CNTN6: variants seen among roughly 807,000 people sequenced by gnomAD.
CNTN6 encodes contactin-6.
A neutral mutation model predicts 122.8 loss-of-function variants in CNTN6; 137 were observed. The observed-to-expected ratio is 1.12, with a 90% confidence interval of 0.97 to 1.29. The LOEUF is 1.29. Among genes scored for constraint, CNTN6 ranks in the 50% most tolerant of loss-of-function variants. The pLI is 0.00. For missense variants in CNTN6, 1,634 were observed against 1,223.4 expected, an observed-to-expected ratio of 1.34 and a Z score of -5.01; for synonymous variants, 570 against 426.0, an observed-to-expected ratio of 1.34 and a Z score of -4.16.
intron 4 of CNTN6, among the ~76,000 whole-genome samples, chr3:1,229,194 TA>T (rs1288536862): frequency 1.3e-5 from 2 of 152,202 alleles, no homozygotes; most frequent in Admixed American, 6.5e-5. Flanking sequence ...GAACATAGGA[TA>T]AAAATATTTA....
At chr3:1,176,021 C>T (rs1323102172) in intron 2 of CNTN6, among the ~76,000 whole-genome samples, 2 of 152,208 alleles carry the variant, frequency 1.3e-5, no homozygotes, top group Non-Finnish European at 2.9e-5. Context: ...CTTCCTTCTA[C>T]ATTTTGATTT....
At chr3:1,389,510 A>C (rs1693761606) in intron 20 of CNTN6, among the ~76,000 whole-genome samples, 1 of 152,162 alleles carries the variant, frequency 6.6e-6, no homozygotes, top group African/African-American at 2.4e-5. Context: ...TCAACTAACG[A>C]GCAAAATCAC....
rs574933629 is a variant in CNTN6 at position 1,102,903 on chromosome 3, C to T, written c.-83+9783C>T. The stretch of plus-strand genomic sequence containing the variant: ...CGGGCGGATCACGAGATCAGGAGAT[C>T]GAGACCATCCTGGCTAACACGGTGA... On this transcript the variant is annotated intron_variant, in intron 1 of 22. Transcript: ENST00000446702. Among the ~76,000 whole-genome samples, 10 of 150,834 alleles carry T rather than the reference C, an allele frequency of 6.6e-5. No homozygotes were observed. In the South Asian group the frequency reaches 8.4e-4, roughly 13 times the overall value.
chr3:1,400,060 GACAC>G (rs1368171403), intron 20 of CNTN6, among the ~76,000 whole-genome samples: 1 of 152,006 alleles, frequency 6.6e-6, no homozygotes, highest in African/African-American at 2.4e-5. Flanking sequence ...ATCTTCCAGT[GACAC>G]ACAGGAGATT....
rs762273126 is a variant in CNTN6 at position 1,373,612 on chromosome 3, G to C, written c.1795G>C (p.Gly599Arg). The change falls in exon 15 of 23, where the codon GGT (glycine) becomes CGT (arginine). Residue 599 changes from glycine (G) to arginine (R), a missense_variant. Coordinates refer to ENST00000446702, the MANE Select transcript of CNTN6 (RefSeq NM_001289080.2). ...VADIIVRGPP[G>R]PPEDVQVEDI... ...AAAACATTTTTTTCAAGGTCCACCA[G>C]GTCCTCCTGAGGATGTGCAAGTGGA... 1.4e-5 allele frequency: 22 copies of C among 1,610,754 alleles called. No individual in the cohort carries two copies. In the South Asian group the frequency reaches 2.3e-4, roughly 17 times the overall value.
intron 4 of CNTN6, among the ~76,000 whole-genome samples, chr3:1,275,969 A>G (rs1198747833): frequency 6.6e-6 from 1 of 152,242 alleles, no homozygotes; most frequent in African/African-American, 2.4e-5. Context: ...CATGGATAAT[A>G]CAAATTTAAT....
intron 5 of CNTN6, among the ~76,000 whole-genome samples, chr3:1,283,929 G>A (rs1192335762): frequency 4.6e-5 from 7 of 152,194 alleles, no homozygotes; most frequent in Non-Finnish European, 2.9e-5. Context: ...ACTCTGGGAG[G>A]CGGAGGTTGC....
intron 4 of CNTN6, among the ~76,000 whole-genome samples, chr3:1,232,492 C>A (rs2094364881): frequency 6.6e-6 from 1 of 152,206 alleles, no homozygotes; most frequent in Non-Finnish European, 1.5e-5. Context: ...AGTGCTAACG[C>A]CTACAAAGTA....
intron 2 of CNTN6, among the ~76,000 whole-genome samples, chr3:1,204,192 A>G (rs971317929): frequency 3.9e-5 from 6 of 152,200 alleles, no homozygotes; most frequent in Non-Finnish European, 8.8e-5. Context: ...TCAGAGAGAC[A>G]CACTCTTATC....
intron 19 of CNTN6, 135 bp downstream of exon 19, chr3:1,383,543 A>T (rs1183086390): frequency 8.9e-6 from 6 of 671,368 alleles, no homozygotes; most frequent in Admixed American, 2.6e-5. Context: ...CAGAGAATGA[A>T]GTTGAGACAG....
At chr3:1,264,456 C>T (rs928954941) in intron 4 of CNTN6, among the ~76,000 whole-genome samples, 1 of 151,988 alleles carries the variant, frequency 6.6e-6, no homozygotes, top group Non-Finnish European at 1.5e-5. Flanking sequence ...GAGGAGCAGC[C>T]ACATAGAGAG....
intron 2 of CNTN6, among the ~76,000 whole-genome samples, chr3:1,189,523 A>G (rs982355671): frequency 6.6e-6 from 1 of 152,234 alleles, no homozygotes; most frequent in Non-Finnish European, 1.5e-5. Flanking sequence ...TGCTTACCAC[A>G]TTCACTTGTA....
At chr3:1,261,717 T>A (rs2094849757) in intron 4 of CNTN6, among the ~76,000 whole-genome samples, 1 of 152,186 alleles carries the variant, frequency 6.6e-6, no homozygotes, top group Non-Finnish European at 1.5e-5. Context: ...CAGTGGCTGC[T>A]ACAATCATAC....
intron 1 of CNTN6, among the ~76,000 whole-genome samples, chr3:1,099,411 A>C: frequency 6.6e-6 from 1 of 152,198 alleles, no homozygotes; most frequent in East Asian, 1.9e-4. Flanking sequence ...AGATTGAGCC[A>C]TTACACTCCA....
At chr3:1,270,085 G>T (rs1210292633) in intron 4 of CNTN6, among the ~76,000 whole-genome samples, 1 of 152,114 alleles carries the variant, frequency 6.6e-6, no homozygotes, top group African/African-American at 2.4e-5. Context: ...GTTATGTCGT[G>T]TTGTGTTACT....
intron 6 of CNTN6, among the ~76,000 whole-genome samples, chr3:1,296,241 G>A (rs773765108): frequency 2.6e-5 from 4 of 151,430 alleles, no homozygotes; most frequent in Non-Finnish European, 5.9e-5. Context: ...CTTTATTTAC[G>A]TGGCTGGCAA....
intron 1 of CNTN6, among the ~76,000 whole-genome samples, chr3:1,144,361 A>C (rs1259446683): frequency 2.0e-5 from 3 of 152,080 alleles, no homozygotes; most frequent in Non-Finnish European, 4.4e-5. Flanking sequence ...GGATCACTGG[A>C]CATCAGGAGT....
intron 11 of CNTN6, among the ~76,000 whole-genome samples, chr3:1,345,366 C>T (rs1340753097): frequency 1.3e-5 from 2 of 152,004 alleles, no homozygotes. Context: ...TTCACCCACC[C>T]TGGCCTCCCA....
rs535372379 is a variant in CNTN6 at position 1,268,535 on chromosome 3, A to G, written c.359-9878A>G. Among the ~76,000 whole-genome samples, 230 of 141,646 alleles carry G rather than the reference A, an allele frequency of 1.6e-3. 2 individuals are homozygous for G. Among genetic ancestry groups the G allele is most frequent in the Middle Eastern group, 3.7e-3 (1 of 268 alleles). The allele number at this position is 141,646 out of a possible 152,430, so 92.9% of individuals were successfully genotyped here. ...GGCAGGAGAATGGCGTGAACCCGGG[A>G]GGAGGAGCTTGCAGTGAGCCGAGAT... On this transcript the variant is annotated intron_variant, in intron 4 of 22. Transcript: ENST00000446702.
Sources: allele counts gnomAD v4.1 joint callset (sites outside exome capture counted in the v4.1 genomes callset), GRCh38; gene constraint gnomAD v4.1.1; transcripts MANE v1.5; gene names NCBI Gene and HGNC (gene_info 2026-07-23, HGNC 2026-07-21).